SETD7: variants seen among roughly 807,000 people sequenced by gnomAD.
SETD7 encodes the protein histone-lysine N-methyltransferase SETD7.
SETD7 carries 16 observed loss-of-function variants against 41.8 expected under a neutral mutation model. The ratio of observed to expected loss-of-function variants is 0.38; its 90% CI spans 0.26 to 0.58. The LOEUF (loss-of-function observed/expected upper bound fraction) is 0.58, where lower values mean the gene tolerates loss of function less well. SETD7 is among the 20% of genes least tolerant of loss of function. The pLI is 0.64. For missense variants in SETD7, 346 were observed against 459.7 expected (o/e 0.75, Z 2.26); for synonymous variants, 163 against 169.7 (o/e 0.96, Z 0.31).
At chr4:139,522,662 G>T (rs186802366) in intron 5 of SETD7, among the ~76,000 whole-genome samples, 1 of 151,506 alleles carries the variant, frequency 6.6e-6, no homozygotes, top group East Asian at 1.9e-4. Flanking sequence ...CCCCTAGAGG[G>T]CCAGCATGTG....
At chr4:139,554,439 A>G (rs1346126625) in intron 1 of SETD7, among the ~76,000 whole-genome samples, 1 of 152,254 alleles carries the variant, frequency 6.6e-6, no homozygotes, top group Non-Finnish European at 1.5e-5. Flanking sequence ...TTTAATTTTT[A>G]CAAGTAAAAG....
rs759151152 is a variant in SETD7, at chr4:139,518,077, C to A, written c.763-35G>T. On this transcript the variant is annotated intron_variant, in intron 6 of 7. Transcript: ENST00000274031. ...ACAAGAAAGCGAGCCTTAGAGAGGA[C>A]CTTTCTCCCCAAAGGTCAAAGGACA... is the stretch of plus-strand genomic sequence containing the variant. 223 of 1,591,786 alleles carry A rather than the reference C, an allele frequency of 1.4e-4. 8 individuals carry two copies. The South Asian group carries it at 2.4e-3, about 17-fold the overall frequency.
chr4:139,520,712 T>C (rs6857535), intron 5 of SETD7, among the ~76,000 whole-genome samples: 3,670 of 152,322 alleles, frequency 0.024, 143 homozygotes, highest in African/African-American at 0.084. Flanking sequence ...TTGATGACAA[T>C]TTTCACTGCC....
downstream of SETD7, among the ~76,000 whole-genome samples, chr4:139,503,716 A>C (rs535522440): frequency 3.0e-4 from 45 of 152,100 alleles, no homozygotes; most frequent in African/African-American, 9.6e-4. Flanking sequence ...TCTGAGGAAA[A>C]TAAGAAAACA....
At chr4:139,552,925 T>C (rs934089899) in intron 1 of SETD7, among the ~76,000 whole-genome samples, 2 of 152,230 alleles carry the variant, frequency 1.3e-5, no homozygotes, top group Non-Finnish European at 2.9e-5. Flanking sequence ...AAGAAATAGA[T>C]GCTGTGATAA....
chr4:139,505,338 C>G (rs1433273321), downstream of SETD7, among the ~76,000 whole-genome samples: 1 of 152,180 alleles, frequency 6.6e-6, no homozygotes, highest in Non-Finnish European at 1.5e-5. Context: ...CCTGTAATCC[C>G]AGCACTTTGG....
At chr4:139,499,685 C>T (rs1726532091) in intron 7 of SETD7, among the ~76,000 whole-genome samples, 1 of 152,082 alleles carries the variant, frequency 6.6e-6, no homozygotes, top group Non-Finnish European at 1.5e-5. Flanking sequence ...ACCCCAGCCT[C>T]TAAATTCTTG....
At chr4:139,544,965 T>C (rs1440806044) in intron 2 of SETD7, among the ~76,000 whole-genome samples, 3 of 152,194 alleles carry the variant, frequency 2.0e-5, no homozygotes, top group South Asian at 2.1e-4. Flanking sequence ...AAAGATGTAA[T>C]AGACACAGAT....
intron 1 of SETD7, among the ~76,000 whole-genome samples, chr4:139,553,339 T>G (rs1432708603): frequency 3.3e-5 from 5 of 152,208 alleles, no homozygotes; most frequent in Non-Finnish European, 7.3e-5. Flanking sequence ...CACAGGTTCT[T>G]TCTCCCCAAA....
At chr4:139,551,389 A>C (rs927107927) in intron 1 of SETD7, among the ~76,000 whole-genome samples, 1 of 152,238 alleles carries the variant, frequency 6.6e-6, no homozygotes, top group African/African-American at 2.4e-5. Flanking sequence ...TATTTACAGA[A>C]GTTAGAGAAA....
rs1200549204 is a variant in SETD7, at chr4:139,520,382, A to T, written c.657T>A (p.Ala219=). The T allele has an allele frequency of 8.1e-6, 13 of 1,602,058 alleles. No homozygotes were observed. In the East Asian group the frequency reaches 2.9e-4, roughly 36 times the overall value. The change falls in exon 6 of 8, where the codon GCT becomes GCA. Residue 219 remains alanine (A), a synonymous_variant. Transcript: ENST00000274031. ...CTCCAGCACTGGAAATAAGAGATTCAGCAACATAAACCCTAAATTGAAAAA... is the reference window on the plus strand; with the variant it reads ...CTCCAGCACTGGAAATAAGAGATTCTGCAACATAAACCCTAAATTGAAAAA... The part of the protein sequence containing the change: ...DPYESERVYV[A]ESLISSAGEG...
At chr4:139,539,901 C>T (rs1727737049) in intron 2 of SETD7, among the ~76,000 whole-genome samples, 1 of 152,128 alleles carries the variant, frequency 6.6e-6, no homozygotes, top group Non-Finnish European at 1.5e-5. Flanking sequence ...GGAAGTGGGC[C>T]CTCGACAGAC....
chr4:139,500,162 T>C (rs1474550323), intron 7 of SETD7, among the ~76,000 whole-genome samples: 1 of 152,242 alleles, frequency 6.6e-6, no homozygotes, highest in Non-Finnish European at 1.5e-5. Flanking sequence ...TCTCCTGATC[T>C]GTTGGCCTCA....
chr4:139,522,186 G>T (rs1247979301), intron 5 of SETD7, among the ~76,000 whole-genome samples: 1 of 152,214 alleles, frequency 6.6e-6, no homozygotes, highest in Non-Finnish European at 1.5e-5. Context: ...TTGTGACATT[G>T]TGGGGTCAGC....
At chr4:139,495,093 T>G (rs547931488), downstream of SETD7, among the ~76,000 whole-genome samples, 6 of 152,378 alleles carry the variant, frequency 3.9e-5, no homozygotes, top group African/African-American at 1.4e-4. Context: ...TCTTTTGTAC[T>G]TTTTCCTTTA....
chr4:139,501,980 A>G (rs17050782), downstream of SETD7, among the ~76,000 whole-genome samples: 28,240 of 152,126 alleles, frequency 0.19, 2,838 homozygotes, highest in East Asian at 0.38. Flanking sequence ...AGCTCAATCC[A>G]TGGGTCAAAA....
intron 2 of SETD7, among the ~76,000 whole-genome samples, chr4:139,537,215 T>G (rs1727663127): frequency 6.6e-6 from 1 of 152,156 alleles, no homozygotes; most frequent in Non-Finnish European, 1.5e-5. Context: ...CCTCAAGTGA[T>G]CTGCCCACCT....
intron 1 of SETD7, 95 bp downstream of exon 1, chr4:139,556,003 G>T: frequency 7.7e-7 from 1 of 1,307,114 alleles, no homozygotes; most frequent in Non-Finnish European, 1.0e-6. Context: ...AGTGGCGGCC[G>T]CGGGGCCCGG....
In SETD7 at chr4:139,512,338, A is replaced by G. The variant is rs556664740; in HGVS notation, c.921-495T>C. Reference sequence around the variant, plus strand: ...AGAGCCCTGTGGATTTTCAAAGGCAAAAACTCTGTATTCCACCCTATACAT... The same window carrying G: ...AGAGCCCTGTGGATTTTCAAAGGCAGAAACTCTGTATTCCACCCTATACAT... On this transcript the variant is annotated intron_variant, in intron 7 of 7. Transcript: ENST00000274031. 6.6e-5 allele frequency among the ~76,000 whole-genome samples: 10 copies of G among 152,332 alleles called. No homozygotes were observed. The East Asian group carries it at 1.5e-3, about 23-fold the overall frequency.
Sources: gnomAD v4.1 joint callset for allele counts (sites outside exome capture counted in the v4.1 genomes callset) on GRCh38, gnomAD v4.1.1 for gene constraint, MANE v1.5 for transcripts, NCBI Gene and HGNC (gene_info 2026-07-23, HGNC 2026-07-21) for gene names.